GPR137C: variants seen among roughly 807,000 people sequenced by gnomAD.
The protein encoded by GPR137C is G protein-coupled receptor 137C.
GPR137C carries 27 observed loss-of-function variants against 43.4 expected under a neutral mutation model. That is an observed-to-expected ratio of 0.62 (90% confidence interval 0.46 to 0.86). The LOEUF is 0.86. Among genes scored for constraint, GPR137C ranks in the 40% least tolerant of loss-of-function variants. The probability of loss-of-function intolerance (pLI) is 0.00; values close to 1 mark genes in which losing one functional copy is unlikely to be tolerated. For synonymous variants in GPR137C, 285 were observed against 226.9 expected, an observed-to-expected ratio of 1.26 and a Z score of -2.30; for missense variants, 522 against 534.6, an observed-to-expected ratio of 0.98 and a Z score of 0.23.
chr14:52,608,404 C>T (rs2039005158), intron 3 of GPR137C, among the ~76,000 whole-genome samples: 1 of 152,192 alleles, frequency 6.6e-6, no homozygotes, highest in Admixed American at 6.5e-5. Context: ...GCTCCATTCT[C>T]TTCCCCACAT....
chr14:52,636,635 T>A lies in GPR137C; in HGVS notation c.*1520T>A, dbSNP rs1373022821. ...AACTTCATAAAAGTATAACACTAGG[T>A]TGAAACCTTAAGGAAAAATTGAAAT... On this transcript the variant is annotated 3_prime_UTR_variant, in exon 7 of 7. Transcript: ENST00000321662. 1 of 152,152 alleles carries A rather than the reference T, an allele frequency of 6.6e-6. No homozygotes were observed. The highest frequency in any genetic ancestry group is 1.5e-5 in the Non-Finnish European group (1 of 67,990). The allele number at this position is 152,152 out of a possible 1,614,324, so 9.4% of individuals were successfully genotyped here. A position where few individuals can be genotyped will look rare whatever the true frequency, so the allele number is the denominator to read the frequency against.
At chr14:52,566,968 C>T (rs2038380313) in intron 1 of GPR137C, among the ~76,000 whole-genome samples, 1 of 152,164 alleles carries the variant, frequency 6.6e-6, no homozygotes, top group South Asian at 2.1e-4. Context: ...AAAAAATTAG[C>T]TGAGCATGGT....
At chr14:52,628,033 G>A (rs1215024636) in intron 3 of GPR137C, among the ~76,000 whole-genome samples, 2 of 152,108 alleles carry the variant, frequency 1.3e-5, no homozygotes, top group African/African-American at 4.8e-5. Flanking sequence ...ACTCTCATGT[G>A]GCTAGTGGCT....
intron 3 of GPR137C, among the ~76,000 whole-genome samples, chr14:52,614,803 G>A (rs56392525): frequency 0.01 from 1,570 of 152,240 alleles, 22 homozygotes; most frequent in African/African-American, 0.035. Flanking sequence ...TTTTAAATCA[G>A]ATTATTAAAT....
At chr14:52,579,337 G>T (rs2038610487) in intron 1 of GPR137C, among the ~76,000 whole-genome samples, 1 of 152,178 alleles carries the variant, frequency 6.6e-6, no homozygotes, top group Non-Finnish European at 1.5e-5. Context: ...CTGCCAGGAT[G>T]AAGAAGAGGC....
At chr14:52,624,578 G>A (rs561301439) in intron 3 of GPR137C, among the ~76,000 whole-genome samples, 325 of 114,616 alleles carry the variant, frequency 2.8e-3, no homozygotes, top group African/African-American at 8.4e-3. Flanking sequence ...ACAAAAATTA[G>A]CCGGGTGTGG....
intron 1 of GPR137C, among the ~76,000 whole-genome samples, chr14:52,580,627 G>A (rs963576160): frequency 1.3e-5 from 2 of 151,906 alleles, no homozygotes; most frequent in African/African-American, 2.4e-5. Context: ...GCCTCCCAAA[G>A]TGCTGGGATT....
chr14:52,593,984 T>G (rs1427453650), intron 1 of GPR137C, among the ~76,000 whole-genome samples: 1 of 152,262 alleles, frequency 6.6e-6, no homozygotes, highest in Non-Finnish European at 1.5e-5. Flanking sequence ...TAAATTTCCC[T>G]CTACACACTG....
intron 1 of GPR137C, among the ~76,000 whole-genome samples, chr14:52,596,105 A>G (rs191188839): frequency 6.6e-4 from 100 of 152,288 alleles, no homozygotes; most frequent in Admixed American, 1.5e-3. Flanking sequence ...GGAGTTTGCT[A>G]GAGGTCCACT....
rs752625898 is a variant in GPR137C at position 52,577,514 on chromosome 14, G to GCACACACACACACACACACA, written c.445-20757_445-20756insACACACACACACACACACAC. ...ACCAAACATGCACGCGTGCGCGCGC[G>GCACACACACACACACACACA]CGCACACACACACACACACACACAC... On this transcript the variant is annotated intron_variant, in intron 1 of 6. Coordinates refer to ENST00000321662, the MANE Select transcript of GPR137C (RefSeq NM_001099652.2). Among the ~76,000 whole-genome samples, 363 of 118,502 alleles carry GCACACACACACACACACACA rather than the reference G, an allele frequency of 3.1e-3. 2 individuals are homozygous for GCACACACACACACACACACA. The highest frequency in any genetic ancestry group is 8.4e-3 in the Middle Eastern group (2 of 238). 77.7% of individuals were successfully genotyped at this position (118,502 alleles called of 152,430 possible).
At chr14:52,568,749 TC>T (rs964729247) in intron 1 of GPR137C, among the ~76,000 whole-genome samples, 1 of 152,202 alleles carries the variant, frequency 6.6e-6, no homozygotes, top group Non-Finnish European at 1.5e-5. Flanking sequence ...TGTAGATTTC[TC>T]CTCTCTGAGC....
intron 3 of GPR137C, among the ~76,000 whole-genome samples, chr14:52,606,316 T>C (rs758267217): frequency 1.3e-5 from 2 of 152,224 alleles, no homozygotes; most frequent in Non-Finnish European, 1.5e-5. Flanking sequence ...TTTTCTAATT[T>C]GTTGGCATGT....
chr14:52,614,741 C>T (rs2039079576), intron 3 of GPR137C, among the ~76,000 whole-genome samples: 1 of 152,202 alleles, frequency 6.6e-6, no homozygotes, highest in Admixed American at 6.5e-5. Context: ...TCTGACTCAA[C>T]CTCCCAAAGC....
intron 1 of GPR137C, among the ~76,000 whole-genome samples, chr14:52,589,494 A>G (rs770706973): frequency 5.3e-5 from 8 of 152,208 alleles, no homozygotes; most frequent in Non-Finnish European, 1.0e-4. Context: ...TGGAATTAAG[A>G]ATGAAGGTAA....
At chr14:52,627,863 A>C (rs1454255010) in intron 3 of GPR137C, among the ~76,000 whole-genome samples, 3 of 152,184 alleles carry the variant, frequency 2.0e-5, no homozygotes, top group African/African-American at 7.2e-5. Context: ...TGTATATTAA[A>C]AATAAAAAAT....
intron 1 of GPR137C, among the ~76,000 whole-genome samples, chr14:52,560,849 A>G (rs1227664810): frequency 6.6e-6 from 1 of 152,216 alleles, no homozygotes; most frequent in Non-Finnish European, 1.5e-5. Flanking sequence ...ACAAAAAGGC[A>G]TGAACCAAAA....
intron 1 of GPR137C, among the ~76,000 whole-genome samples, chr14:52,576,326 A>C (rs899155675): frequency 1.3e-5 from 2 of 152,208 alleles, no homozygotes; most frequent in Non-Finnish European, 2.9e-5. Flanking sequence ...GCTGAGTAGC[A>C]TTCCATGGTC....
intron 1 of GPR137C, among the ~76,000 whole-genome samples, chr14:52,570,794 C>A (rs2038454476): frequency 6.6e-6 from 1 of 152,128 alleles, no homozygotes; most frequent in Middle Eastern, 3.4e-3. Context: ...AAGAGCTAAC[C>A]TAAATATATA....
chr14:52,589,165 A>G (rs997670566), intron 1 of GPR137C, among the ~76,000 whole-genome samples: 5 of 152,224 alleles, frequency 3.3e-5, no homozygotes, highest in Non-Finnish European at 1.5e-5. Flanking sequence ...TATATGAGGT[A>G]CATATAGTAG....
Sources: gnomAD v4.1 joint callset for allele counts (sites outside exome capture counted in the v4.1 genomes callset) on GRCh38, gnomAD v4.1.1 for gene constraint, MANE v1.5 for transcripts, NCBI Gene and HGNC (gene_info 2026-07-23, HGNC 2026-07-21) for gene names.